Variants in BAZ2B observed in about 807,000 individuals in gnomAD.
BAZ2B encodes bromodomain adjacent to zinc finger domain 2B.
Under a neutral mutation model 246.0 loss-of-function variants are expected in BAZ2B, and 91 were observed. That is an observed-to-expected ratio of 0.37 (90% CI 0.31 to 0.44). BAZ2B has a LOEUF of 0.44. BAZ2B is among the 20% of genes least tolerant of loss of function. The pLI is 1.00. For synonymous variants in BAZ2B, 855 were observed against 860.0 expected (o/e 0.99, Z 0.10); for missense variants, 2,332 against 2,533.7 (o/e 0.92, Z 1.71).
chr2:159,574,522 T>C (rs1329940619), intron 1 of BAZ2B, among the ~76,000 whole-genome samples: 1 of 152,148 alleles, frequency 6.6e-6, no homozygotes, highest in Non-Finnish European at 1.5e-5. Flanking sequence ...TTCCTAGTTA[T>C]ATGCACAAGA....
chr2:159,590,844 G>C (rs1689240311), intron 1 of BAZ2B, among the ~76,000 whole-genome samples: 1 of 152,010 alleles, frequency 6.6e-6, no homozygotes, highest in Non-Finnish European at 1.5e-5. Context: ...CATTTCAAGA[G>C]GAAAATAAGA....
chr2:159,658,155 C>T, the BAZ2B span, among the ~76,000 whole-genome samples: 1 of 152,074 alleles, frequency 6.6e-6, no homozygotes, highest in South Asian at 2.1e-4. Flanking sequence ...TGGACTTTGT[C>T]AAATTGTTTT....
At chr2:159,593,175 A>G (rs1042770944) in intron 1 of BAZ2B, among the ~76,000 whole-genome samples, 1 of 152,242 alleles carries the variant, frequency 6.6e-6, no homozygotes, top group African/African-American at 2.4e-5. Flanking sequence ...AATCTGTACC[A>G]TCAGAGAACA....
At chr2:159,675,299 A>C in the BAZ2B span, among the ~76,000 whole-genome samples, 1 of 152,128 alleles carries the variant, frequency 6.6e-6, no homozygotes, top group Non-Finnish European at 1.5e-5. Context: ...TAAAAAAAAA[A>C]ACGCACAACA....
intron 2 of BAZ2B, among the ~76,000 whole-genome samples, chr2:159,522,725 T>A (rs745963760): frequency 1.2e-4 from 18 of 152,136 alleles, no homozygotes; most frequent in Non-Finnish European, 2.2e-4. Context: ...CACAGAACGA[T>A]CAATCAATCT....
At chr2:159,400,909 T>C (rs570120558) in intron 16 of BAZ2B, among the ~76,000 whole-genome samples, 25 of 152,242 alleles carry the variant, frequency 1.6e-4, no homozygotes, top group Non-Finnish European at 2.6e-4. Context: ...CAGGGCTTGG[T>C]GGCGGGCACC....
At chr2:159,705,706 A>G in the BAZ2B span, among the ~76,000 whole-genome samples, 1 of 152,216 alleles carries the variant, frequency 6.6e-6, no homozygotes, top group Non-Finnish European at 1.5e-5. Context: ...AATTGAGAAT[A>G]ATTAAGCACA....
intron 3 of BAZ2B, among the ~76,000 whole-genome samples, chr2:159,456,791 G>A (rs970175517): frequency 2.6e-5 from 4 of 152,108 alleles, no homozygotes; most frequent in South Asian, 2.1e-4. Flanking sequence ...AAAGATTCAC[G>A]TCTATATTTA....
At chr2:159,505,738 T>C (rs1194591540) in intron 2 of BAZ2B, among the ~76,000 whole-genome samples, 6 of 152,078 alleles carry the variant, frequency 3.9e-5, no homozygotes, top group Non-Finnish European at 7.4e-5. Context: ...GGCAAGAATA[T>C]AGAATTCATC....
chr2:159,678,072 A>G, the BAZ2B span, among the ~76,000 whole-genome samples: 2 of 152,226 alleles, frequency 1.3e-5, no homozygotes, highest in Non-Finnish European at 2.9e-5. Flanking sequence ...AATGGAATGG[A>G]ATGGCAGAGA....
chr2:159,541,722 G>T (rs1202163562), intron 2 of BAZ2B, among the ~76,000 whole-genome samples: 1 of 152,060 alleles, frequency 6.6e-6, no homozygotes, highest in African/African-American at 2.4e-5. Flanking sequence ...AAAGTGCTAC[G>T]TTCCCTTCCT....
At chr2:159,459,095 T>C (rs1004449033) in intron 3 of BAZ2B, 19 of 152,328 alleles carry the variant, frequency 1.2e-4, no homozygotes, top group African/African-American at 4.3e-4. Context: ...CAAGAACCTA[T>C]TGCTCAAGAA....
rs146714523 is a variant in BAZ2B at position 159,357,245 on chromosome 2, T to C, written c.4214-6888A>G. ...GAACCTTGAAAAAAGGTTAGAGGAA[T>C]GCTAACTAGAATAACCAGTTTACAG... is the stretch of plus-strand genomic sequence containing the variant. On this transcript the variant is annotated intron_variant, in intron 27 of 36. Coordinates refer to ENST00000392783, the MANE Select transcript of BAZ2B (RefSeq NM_013450.4). 2.9e-3 allele frequency among the ~76,000 whole-genome samples: 435 copies of C among 152,010 alleles called. 4 individuals carry two copies. The highest frequency in any genetic ancestry group is 1.0e-2 in the African/African-American group (414 of 41,448).
intron 1 of BAZ2B, chr2:159,616,034 G>A (rs1696019155): frequency 6.6e-6 from 1 of 151,256 alleles, no homozygotes; most frequent in Non-Finnish European, 1.5e-5. Flanking sequence ...CCAGCCTTCC[G>A]GCCACCACAA....
At chr2:159,706,198 G>A in the BAZ2B span, among the ~76,000 whole-genome samples, 1 of 151,948 alleles carries the variant, frequency 6.6e-6, no homozygotes, top group Admixed American at 6.6e-5. Flanking sequence ...TGTTTGTGGA[G>A]TAGCAGACAG....
At chr2:159,400,438 C>T (rs1161630357) in intron 17 of BAZ2B, among the ~76,000 whole-genome samples, 161 bp downstream of exon 17, 1 of 152,058 alleles carries the variant, frequency 6.6e-6, no homozygotes, top group Non-Finnish European at 1.5e-5. Context: ...GATTAGCTTG[C>T]TAAATAAGGC....
At chr2:159,343,906 G>A (rs977016487) in intron 31 of BAZ2B, among the ~76,000 whole-genome samples, 3 of 151,302 alleles carry the variant, frequency 2.0e-5, no homozygotes, top group Non-Finnish European at 2.9e-5. Context: ...GGCGCCTGTA[G>A]TCTCAGCTAC....
At chr2:159,417,181 T>G (rs2067882108) in intron 13 of BAZ2B, among the ~76,000 whole-genome samples, 1 of 151,328 alleles carries the variant, frequency 6.6e-6, no homozygotes, top group Non-Finnish European at 1.5e-5. Flanking sequence ...TTTTGTTTTT[T>G]TTTTTTTGAG....
intron 8 of BAZ2B, chr2:159,433,578 T>C (rs1409300470): frequency 4.7e-6 from 2 of 428,554 alleles, no homozygotes; most frequent in Non-Finnish European, 8.1e-6. Flanking sequence ...TTTTCCCCAT[T>C]AAAAATTATA....
Sources: gnomAD v4.1 joint callset for allele counts (sites outside exome capture counted in the v4.1 genomes callset) on GRCh38, gnomAD v4.1.1 for gene constraint, MANE v1.5 for transcripts, NCBI Gene and HGNC (gene_info 2026-07-23, HGNC 2026-07-21) for gene names.